Variants in SSBP2 observed in about 807,000 individuals in gnomAD.
The protein encoded by SSBP2 is single-stranded DNA-binding protein 2.
SSBP2 carries 17 observed loss-of-function variants against 61.8 expected under a neutral mutation model. That is an observed-to-expected ratio of 0.28 (90% CI 0.19 to 0.41). The LOEUF (loss-of-function observed/expected upper bound fraction) is 0.41. Ranked by LOEUF, SSBP2 falls within the 10% of genes least tolerant of loss-of-function variation. SSBP2 has a pLI of 1.00. For missense variants in SSBP2, 310 were observed against 458.7 expected (o/e 0.68, Z 2.96); for synonymous variants, 139 against 141.3 (o/e 0.98, Z 0.12).
intron 4 of SSBP2, among the ~76,000 whole-genome samples, chr5:81,573,033 T>C (rs1003514935): frequency 2.0e-5 from 3 of 152,332 alleles, no homozygotes; most frequent in Admixed American, 2.0e-4. Context: ...GAAATATCTT[T>C]TGTCTTTCAA....
At chr5:81,714,675 T>C (rs1241411532) in intron 1 of SSBP2, among the ~76,000 whole-genome samples, 1 of 152,228 alleles carries the variant, frequency 6.6e-6, no homozygotes, top group African/African-American at 2.4e-5. Flanking sequence ...TTTTTCATGT[T>C]TGTTGGCTGC....
intron 3 of SSBP2, among the ~76,000 whole-genome samples, chr5:81,626,648 A>G (rs752943222): frequency 1.2e-4 from 18 of 152,140 alleles, no homozygotes; most frequent in Non-Finnish European, 2.5e-4. Context: ...CTTTGACCCC[A>G]TGCACCAACT....
In SSBP2 at chr5:81,414,427, G is replaced by A. The variant is rs985171648; in HGVS notation, c.*6077C>T. ...CTCCTTGGGACACTTATTGAACTGA[G>A]GATTTCACTTCATAGTTTAAAAAAG... is the stretch of plus-strand genomic sequence containing the variant. On this transcript the variant is annotated 3_prime_UTR_variant, in exon 17 of 17. Transcript: ENST00000320672. 1.3e-5 allele frequency: 2 copies of A among 152,092 alleles called. No homozygotes were observed. Among genetic ancestry groups the A allele is most frequent in the Non-Finnish European group, 2.9e-5 (2 of 68,016 alleles). The allele number at this position is 152,092 out of a possible 1,614,324, so 9.4% of individuals were successfully genotyped here. A position where few individuals can be genotyped will look rare whatever the true frequency, so the allele number is the denominator to read the frequency against.
intron 10 of SSBP2, among the ~76,000 whole-genome samples, chr5:81,451,843 A>ATT (rs11408828): frequency 2.0e-5 from 3 of 152,084 alleles, no homozygotes; most frequent in East Asian, 1.9e-4. Context: ...ATTTCTTTCA[A>ATT]TTTTTTGCCC....
chr5:81,580,199 G>A (rs902840919), intron 4 of SSBP2, among the ~76,000 whole-genome samples: 3 of 152,026 alleles, frequency 2.0e-5, no homozygotes, highest in East Asian at 1.9e-4. Context: ...GACTTTAGGA[G>A]GCAAACTATT....
intron 1 of SSBP2, among the ~76,000 whole-genome samples, chr5:81,722,012 T>C (rs1581419543): frequency 6.6e-6 from 1 of 152,166 alleles, no homozygotes; most frequent in Middle Eastern, 3.4e-3. Flanking sequence ...AAAAAATCTT[T>C]CCTTCCCTTA....
intron 16 of SSBP2, among the ~76,000 whole-genome samples, chr5:81,422,228 AAG>A (rs1761659449): frequency 1.3e-5 from 2 of 152,152 alleles, no homozygotes; most frequent in Non-Finnish European, 2.9e-5. Context: ...AGTTGGCAGA[AAG>A]AGAATAAAAT....
intron 1 of SSBP2, among the ~76,000 whole-genome samples, chr5:81,713,785 C>CAAAA (rs1001383792): frequency 1.3e-4 from 19 of 151,982 alleles, no homozygotes; most frequent in Non-Finnish European, 2.2e-4. Context: ...AACAAACAAA[C>CAAAA]AAAAAGAGTA....
chr5:81,436,555 A>G (rs925551386), intron 15 of SSBP2, among the ~76,000 whole-genome samples: 3 of 152,056 alleles, frequency 2.0e-5, no homozygotes, highest in Non-Finnish European at 4.4e-5. Context: ...AGCTCAATCA[A>G]TCTTATTTTA....
intron 4 of SSBP2, among the ~76,000 whole-genome samples, chr5:81,542,193 T>C (rs1771327894): frequency 6.6e-6 from 1 of 151,764 alleles, no homozygotes; most frequent in Non-Finnish European, 1.5e-5. Flanking sequence ...ATCAGAGAAA[T>C]GCAAATCAAG....
At chr5:81,637,630 C>T (rs190826439) in intron 2 of SSBP2, among the ~76,000 whole-genome samples, 1 of 152,270 alleles carries the variant, frequency 6.6e-6, no homozygotes, top group East Asian at 1.9e-4. Flanking sequence ...GACTCAGTTT[C>T]CTCATCTATA....
intron 10 of SSBP2, among the ~76,000 whole-genome samples, chr5:81,452,536 A>G (rs1478087932): frequency 6.6e-6 from 1 of 152,262 alleles, no homozygotes. Context: ...AGTGATAGGC[A>G]GTGCTGATGA....
intron 1 of SSBP2, among the ~76,000 whole-genome samples, chr5:81,685,088 C>T (rs1182474639): frequency 1.3e-5 from 2 of 151,836 alleles, no homozygotes; most frequent in Admixed American, 6.6e-5. Flanking sequence ...CCTTCACTCG[C>T]TCTCTCTCTC....
At position 81,595,574 on chromosome 5, in the gene SSBP2, C is replaced by T. The variant is rs558112865; in HGVS notation, c.282+19899G>A. On this transcript the variant is annotated intron_variant, in intron 4 of 16. Coordinates refer to ENST00000320672, the MANE Select transcript of SSBP2 (RefSeq NM_012446.5). ...TTTAGACCAATATCCTTGATGAACA[C>T]TGATGCAAAAATCCTCAATAAAATA... Among the ~76,000 whole-genome samples the T allele has an allele frequency of 3.3e-4, 50 of 152,202 alleles. 1 individual carries two copies. Among genetic ancestry groups the T allele is most frequent in the Middle Eastern group, 3.4e-3 (1 of 294 alleles).
At chr5:81,676,341 G>A (rs534727561) in intron 1 of SSBP2, among the ~76,000 whole-genome samples, 7 of 152,216 alleles carry the variant, frequency 4.6e-5, no homozygotes, top group East Asian at 3.9e-4. Flanking sequence ...GTCAAAAGAT[G>A]ATGTGAAAGT....
chr5:81,513,491 T>A, intron 5 of SSBP2, 137 bp downstream of exon 5: 1 of 555,200 alleles, frequency 1.8e-6, no homozygotes, highest in Non-Finnish European at 3.2e-6. Flanking sequence ...AGATAACCCA[T>A]CTGAATAATC....
chr5:81,557,610 A>G (rs1040911889), intron 4 of SSBP2, among the ~76,000 whole-genome samples: 8 of 152,104 alleles, frequency 5.3e-5, no homozygotes, highest in Non-Finnish European at 1.2e-4. Flanking sequence ...CAAGTTTACT[A>G]ATCTTTGCTT....
intron 10 of SSBP2, among the ~76,000 whole-genome samples, chr5:81,455,625 CAAAAAAAAAAAAAAA>C (rs537363119): frequency 8.0e-5 from 1 of 12,562 alleles, no homozygotes; most frequent in Non-Finnish European, 1.1e-4. Flanking sequence ...GACTCCGTCT[CAAAAAAAAAAAAAAA>C]AAAAAAAAAA....
chr5:81,448,862 T>C (rs1445420216), intron 10 of SSBP2, 37 bp from the exon 11 acceptor site: 3 of 1,506,408 alleles, frequency 2.0e-6, no homozygotes, highest in Non-Finnish European at 2.8e-6. Context: ...TTTTGATTCA[T>C]GTAGCAATAT....
Sources: allele counts gnomAD v4.1 joint callset (sites outside exome capture counted in the v4.1 genomes callset), GRCh38; gene constraint gnomAD v4.1.1; transcripts MANE v1.5; gene names NCBI Gene and HGNC (gene_info 2026-07-23, HGNC 2026-07-21).